VWA3B: variants seen among roughly 807,000 people sequenced by gnomAD.
VWA3B encodes the protein von Willebrand factor A domain containing 3B, also known as von Willebrand factor A domain-containing protein 3B.
In VWA3B, 138 loss-of-function variants were observed where a neutral mutation model predicts 158.3. That is an observed-to-expected ratio of 0.87 (90% CI 0.76 to 1.00). VWA3B has a LOEUF of 1.00. Ranked by LOEUF, VWA3B falls within the 50% of genes least tolerant of loss-of-function variation. VWA3B has a pLI of 0.00. For missense variants in VWA3B, 1,555 were observed against 1,565.1 expected (o/e 0.99, Z 0.11); for synonymous variants, 596 against 587.3 (o/e 1.01, Z -0.21).
intron 7 of VWA3B, among the ~76,000 whole-genome samples, chr2:98,144,509 C>G (rs773014924): frequency 5.9e-5 from 9 of 151,404 alleles, no homozygotes; most frequent in African/African-American, 2.2e-4. Flanking sequence ...GTCATTCCTT[C>G]GAGAAGGGCT....
chr2:98,138,478 T>C (rs1676464361), intron 7 of VWA3B, among the ~76,000 whole-genome samples: 1 of 152,206 alleles, frequency 6.6e-6, no homozygotes, highest in South Asian at 2.1e-4. Flanking sequence ...TCTTACACAC[T>C]GGGGGAAAAC....
chr2:98,204,666 G>C (rs1175267931), intron 12 of VWA3B, among the ~76,000 whole-genome samples: 1 of 152,188 alleles, frequency 6.6e-6, no homozygotes, highest in Non-Finnish European at 1.5e-5. Context: ...TTGGTCTGTA[G>C]GCTTTTTGTG....
chr2:98,129,224 A>AGTGTGTGTGTGTGTGTGT, intron 6 of VWA3B, among the ~76,000 whole-genome samples: 1 of 124,656 alleles, frequency 8.0e-6, no homozygotes, highest in East Asian at 2.4e-4. Flanking sequence ...AGAGAGAGAG[A>AGTGTGTGTGTGTGTGTGT]GTGTGTGTGT....
At chr2:98,317,600 A>G (rs1435845244), downstream of VWA3B, among the ~76,000 whole-genome samples, 1 of 152,234 alleles carries the variant, frequency 6.6e-6, no homozygotes, top group African/African-American at 2.4e-5. Flanking sequence ...TTCCCTTGAT[A>G]ATAAGTCTTT....
At chr2:98,252,496 G>T (rs1042672819) in intron 20 of VWA3B, among the ~76,000 whole-genome samples, 2 of 152,032 alleles carry the variant, frequency 1.3e-5, no homozygotes, top group South Asian at 2.1e-4. Flanking sequence ...GATGGTTCGC[G>T]GGGGTTTCCT....
chr2:98,257,482 G>A (rs906667662), intron 21 of VWA3B, among the ~76,000 whole-genome samples: 2 of 151,954 alleles, frequency 1.3e-5, no homozygotes, highest in Non-Finnish European at 2.9e-5. Context: ...ATATCCAGTA[G>A]TGAGATTGCT....
chr2:98,147,255 A>AT (rs1176498322), intron 7 of VWA3B, among the ~76,000 whole-genome samples: 1 of 152,160 alleles, frequency 6.6e-6, no homozygotes, highest in Non-Finnish European at 1.5e-5. Context: ...GCATGCATAC[A>AT]TTATCTCATT....
chr2:98,109,155 G>C (rs1250213686), intron 2 of VWA3B, among the ~76,000 whole-genome samples: 2 of 151,922 alleles, frequency 1.3e-5, no homozygotes, highest in Non-Finnish European at 2.9e-5. Context: ...ACCATGCCCA[G>C]CTAATTTTGT....
chr2:98,264,289 C>T (rs1687659358), intron 21 of VWA3B, among the ~76,000 whole-genome samples: 1 of 151,526 alleles, frequency 6.6e-6, no homozygotes, highest in Non-Finnish European at 1.5e-5. Flanking sequence ...TTGTTCTTTT[C>T]CTAGTTCCTT....
chr2:98,284,250 C>T (rs78034193), intron 22 of VWA3B, among the ~76,000 whole-genome samples: 66 of 152,362 alleles, frequency 4.3e-4, no homozygotes, highest in Non-Finnish European at 7.6e-4. Context: ...CTTATTTATT[C>T]TCCACTTCTG....
intron 13 of VWA3B, among the ~76,000 whole-genome samples, chr2:98,213,231 CA>C (rs1318976871): frequency 6.6e-6 from 1 of 152,008 alleles, no homozygotes; most frequent in Non-Finnish European, 1.5e-5. Context: ...GGAAGAAGAT[CA>C]GGGTGGAGGT....
intron 12 of VWA3B, among the ~76,000 whole-genome samples, chr2:98,205,719 C>T (rs986797144): frequency 3.9e-5 from 6 of 152,146 alleles, no homozygotes; most frequent in Non-Finnish European, 4.4e-5. Context: ...TTAAACAAAA[C>T]AGCTTAATTT....
chr2:98,128,178 G>A, intron 5 of VWA3B, 61 bp from the exon 6 acceptor site: 1 of 1,572,682 alleles, frequency 6.4e-7, no homozygotes, highest in Non-Finnish European at 8.7e-7. Flanking sequence ...TATTACTGAT[G>A]AGACTAGTAC....
chr2:98,326,656 C>T, the VWA3B span, among the ~76,000 whole-genome samples: 1 of 152,048 alleles, frequency 6.6e-6, no homozygotes, highest in Non-Finnish European at 1.5e-5. Context: ...AGTTAGGAGG[C>T]TGGAGTGGGA....
chr2:98,295,806 C>T (rs570497514), intron 23 of VWA3B, among the ~76,000 whole-genome samples: 66 of 152,192 alleles, frequency 4.3e-4, no homozygotes, highest in Non-Finnish European at 7.5e-4. Flanking sequence ...GAAATGGTTG[C>T]AGTCCCTTAA....
At chr2:98,231,947 A>G (rs1243723538) in intron 16 of VWA3B, among the ~76,000 whole-genome samples, 1 of 152,098 alleles carries the variant, frequency 6.6e-6, no homozygotes, top group Admixed American at 6.5e-5. Flanking sequence ...ATTGATCTAT[A>G]GTTCTTTTAA....
chr2:98,259,709 C>T (rs1687365572), intron 21 of VWA3B, among the ~76,000 whole-genome samples: 1 of 151,630 alleles, frequency 6.6e-6, no homozygotes, highest in South Asian at 2.1e-4. Context: ...TTGATTCTCT[C>T]AATTGTTTTT....
chr2:98,221,831 C>T (rs1042205286), intron 14 of VWA3B, among the ~76,000 whole-genome samples: 1 of 152,168 alleles, frequency 6.6e-6, no homozygotes, highest in Admixed American at 6.5e-5. Flanking sequence ...CACAACCTAA[C>T]CAGGCAGTGT....
intron 7 of VWA3B, among the ~76,000 whole-genome samples, chr2:98,156,442 A>G (rs1193269135): frequency 6.6e-6 from 1 of 152,172 alleles, no homozygotes; most frequent in Non-Finnish European, 1.5e-5. Flanking sequence ...AACCATCCTC[A>G]CAGAGATAGG....
Sources: gnomAD v4.1 joint callset for allele counts (sites outside exome capture counted in the v4.1 genomes callset) on GRCh38, gnomAD v4.1.1 for gene constraint, MANE v1.5 for transcripts, NCBI Gene and HGNC (gene_info 2026-07-23, HGNC 2026-07-21) for gene names.